The following WASHC2A variants were observed in gnomAD, a reference collection of about 807,000 sequenced individuals.
The protein encoded by WASHC2A is WASH complex subunit FAM21A.
Under a neutral mutation model 140.3 loss-of-function variants are expected in WASHC2A, and 82 were observed. That is an observed-to-expected ratio of 0.58 (90% CI 0.49 to 0.70). The LOEUF (loss-of-function observed/expected upper bound fraction) is 0.70. Ranked by LOEUF, WASHC2A falls within the 30% of genes least tolerant of loss-of-function variation. WASHC2A has a pLI of 0.00. For missense variants in WASHC2A, 985 were observed against 1,521.8 expected, an observed-to-expected ratio of 0.65 and a Z score of 5.87; for synonymous variants, 340 against 560.8, an observed-to-expected ratio of 0.61 and a Z score of 5.56.
chr10:50,102,318 T>C (rs1171917357), intron 17 of WASHC2A, among the ~76,000 whole-genome samples: 12 of 152,222 alleles, frequency 7.9e-5, no homozygotes, highest in African/African-American at 2.9e-4. Flanking sequence ...AGGCTGAAGC[T>C]TGCCCTGTGG....
At position 50,129,520 on chromosome 10, in the gene WASHC2A, A is replaced by G. The variant is rs1843750421; in HGVS notation, c.3189A>G (p.Arg1063=). ...AGACTGAGGACATGAGCGTCCCCAGAGGACCCATTGCACAGTGGGCTGATG... is the reference window on the plus strand; with the variant it reads ...AGACTGAGGACATGAGCGTCCCCAGGGGACCCATTGCACAGTGGGCTGATG... ...SSETEDMSVP[R]GPIAQWADGA... Residue 1063 remains arginine, a synonymous_variant, in exon 29 of 31, where the codon AGA becomes AGG. Coordinates refer to ENST00000282633, the MANE Select transcript of WASHC2A (RefSeq NM_001005751.3). 6.2e-7 allele frequency: 1 copy of G among 1,611,894 alleles called. No homozygotes were observed. Among genetic ancestry groups the G allele is most frequent in the Non-Finnish European group, 8.5e-7 (1 of 1,179,856 alleles).
chr10:50,132,220 A>C (rs952762325), intron 30 of WASHC2A, among the ~76,000 whole-genome samples: 1 of 152,220 alleles, frequency 6.6e-6, no homozygotes, highest in Non-Finnish European at 1.5e-5. Flanking sequence ...ATTTGTGTAC[A>C]CCTAACTTTA....
At chr10:50,090,515 A>AAAAAATATATATATATATATATATAT (rs1214596899) in intron 8 of WASHC2A, among the ~76,000 whole-genome samples, 6 of 108,720 alleles carry the variant, frequency 5.5e-5, no homozygotes, top group African/African-American at 2.0e-4. Context: ...AAAAAAAAAA[A>AAAAAATATATATATATATATATATAT]ATATATATAT....
intron 21 of WASHC2A, among the ~76,000 whole-genome samples, chr10:50,114,695 A>G (rs1409579392): frequency 1.7e-4 from 11 of 66,424 alleles, no homozygotes; most frequent in African/African-American, 6.4e-4. Flanking sequence ...CATACTCTCA[A>G]TGCCTTTTTA....
At chr10:50,077,209 A>T (rs1360907712) in intron 3 of WASHC2A, among the ~76,000 whole-genome samples, 4 of 151,848 alleles carry the variant, frequency 2.6e-5, no homozygotes, top group Non-Finnish European at 4.4e-5. Flanking sequence ...CAAGAGAATC[A>T]TTTGAGCCTG....
rs1459705721 is a variant in WASHC2A, at chr10:50,068,352, G to C, written c.126+125G>C. 10 of 1,139,544 alleles carry C rather than the reference G, an allele frequency of 8.8e-6. No homozygotes were observed. In the East Asian group the frequency reaches 2.6e-4, roughly 30 times the overall value. 70.6% of individuals were successfully genotyped at this position (1,139,544 alleles called of 1,614,324 possible). ...GTTGCCTGCCCTCTTAGGAACACAC[G>C]CCCCGTTTAGCCCCCGAGAATGCCA... On this transcript the variant is annotated intron_variant, in intron 2 of 30. Coordinates refer to ENST00000282633, the MANE Select transcript of WASHC2A (RefSeq NM_001005751.3).
chr10:50,127,133 T>G, intron 26 of WASHC2A, 27 bp from the exon 27 acceptor site: 1 of 1,612,046 alleles, frequency 6.2e-7, no homozygotes, highest in Non-Finnish European at 8.5e-7. Context: ...CCCAAATGGA[T>G]TTTTAACTGG....
At chr10:50,095,886 T>A (rs1840456415) in intron 15 of WASHC2A, 108 bp downstream of exon 15, 1 of 1,410,750 alleles carries the variant, frequency 7.1e-7, no homozygotes, top group Non-Finnish European at 9.6e-7. Context: ...CAGAATCCCT[T>A]CTCCAGCATT....
At chr10:50,099,381 A>G (rs1840836637) in intron 16 of WASHC2A, among the ~76,000 whole-genome samples, 1 of 150,226 alleles carries the variant, frequency 6.7e-6, no homozygotes, top group East Asian at 2.0e-4. Context: ...GCGATTCTCC[A>G]GCCTCAGCCT....
intron 17 of WASHC2A, among the ~76,000 whole-genome samples, chr10:50,102,473 G>A (rs1208495934): frequency 2.6e-5 from 4 of 152,044 alleles, no homozygotes; most frequent in African/African-American, 9.7e-5. Context: ...TAGAACAGCA[G>A]AACCCTTTCT....
chr10:50,090,687 ACTT>A, intron 8 of WASHC2A, 86 bp from the exon 9 acceptor site: 5 of 1,219,506 alleles, frequency 4.1e-6, no homozygotes, highest in Non-Finnish European at 5.4e-6. Flanking sequence ...AAAAGCTGTT[ACTT>A]CTTTGAAGGA....
intron 4 of WASHC2A, among the ~76,000 whole-genome samples, chr10:50,079,734 T>G (rs1838724848): frequency 1.3e-5 from 2 of 152,158 alleles, no homozygotes; most frequent in Admixed American, 1.3e-4. Context: ...AAGGATTTGC[T>G]AGCCATTTAA....
intron 17 of WASHC2A, among the ~76,000 whole-genome samples, chr10:50,101,793 G>GT (rs1841211981): frequency 6.7e-6 from 1 of 148,968 alleles, no homozygotes. Flanking sequence ...AGGGTCTCTT[G>GT]TGTCTGAAGG....
intron 7 of WASHC2A, among the ~76,000 whole-genome samples, chr10:50,086,841 A>G (rs1839431523): frequency 8.1e-6 from 1 of 123,954 alleles, no homozygotes; most frequent in Non-Finnish European, 1.7e-5. Flanking sequence ...AATCCAGTCT[A>G]TTATTGTTGG....
intron 25 of WASHC2A, 38 bp from the exon 26 acceptor site, chr10:50,126,019 A>G: frequency 6.2e-7 from 1 of 1,608,736 alleles, no homozygotes; most frequent in Middle Eastern, 1.7e-4. Flanking sequence ...AATTTCTAAG[A>G]TATTTGATGG....
At position 50,106,318 on chromosome 10, in the gene WASHC2A, C is replaced by T; in HGVS notation, c.1738-16C>T. 6.2e-7 allele frequency: 1 copy of T among 1,611,436 alleles called. No individual in the cohort carries two copies. ...ATTATAAAGTTGTCTTACCTTTCTG[C>T]CATTTGCTTTTCTAGGATAATCTTT... On this transcript the variant is annotated splice_polypyrimidine_tract_variant and intron_variant, in intron 18 of 30. Transcript: ENST00000282633.
At position 50,104,036 on chromosome 10, in the gene WASHC2A, C is replaced by G. The variant is rs1841506112; in HGVS notation, c.1636-6C>G. ...TTAACCAGCAACTTTAATTTCAATC[C>G]AACAGGATTTGTTTTCTTCTCAAAG... On this transcript the variant is annotated splice_polypyrimidine_tract_variant and splice_region_variant and intron_variant, in intron 17 of 30. Coordinates refer to ENST00000282633, the MANE Select transcript of WASHC2A (RefSeq NM_001005751.3). 2 of 1,544,008 alleles carry G rather than the reference C, an allele frequency of 1.3e-6. No individual in the cohort carries two copies. Among genetic ancestry groups the G allele is most frequent in the Non-Finnish European group, 1.8e-6 (2 of 1,122,504 alleles).
intron 23 of WASHC2A, among the ~76,000 whole-genome samples, chr10:50,124,769 A>G (rs1843283498): frequency 6.6e-6 from 1 of 150,816 alleles, no homozygotes; most frequent in Non-Finnish European, 1.5e-5. Flanking sequence ...AATGTTTCTC[A>G]TTATGGAACT....
Position 50,129,971 on chromosome 10 carries a change from G to A in WASHC2A, c.3640G>A (p.Val1214Ile), listed in dbSNP as rs1461988588. 5 of 1,611,982 alleles carry A rather than the reference G, an allele frequency of 3.1e-6. No homozygotes were observed. Among genetic ancestry groups the A allele is most frequent in the Non-Finnish European group, 4.2e-6 (5 of 1,179,852 alleles). ...DEDDLFTDQK[V>I]KKNETKSNSQ... Reference sequence around the variant, plus strand: ...GGATGACCTCTTTACAGATCAGAAAGTCAAGAAGAATGAGACAAAATCCAA... The same window carrying A: ...GGATGACCTCTTTACAGATCAGAAAATCAAGAAGAATGAGACAAAATCCAA... Residue 1214 changes from valine to isoleucine, a missense_variant, in exon 29 of 31, where the codon GTC (valine) becomes ATC (isoleucine). By Grantham distance (29) the Val-to-Ile change is conservative. Transcript: ENST00000282633.
Sources: allele counts gnomAD v4.1 joint callset (sites outside exome capture counted in the v4.1 genomes callset), GRCh38; gene constraint gnomAD v4.1.1; transcripts MANE v1.5; gene names NCBI Gene and HGNC (gene_info 2026-07-23, HGNC 2026-07-21).